The following RAD54B variants were observed in gnomAD, a reference collection of about 807,000 sequenced individuals.
RAD54B encodes the protein DNA repair and recombination protein RAD54B.
RAD54B carries 78 observed loss-of-function variants against 95.8 expected under a neutral mutation model. The ratio of observed to expected loss-of-function variants is 0.81; its 90% CI spans 0.68 to 0.98. The LOEUF is 0.98. Among genes scored for constraint, RAD54B ranks in the 50% least tolerant of loss-of-function variants. The pLI, the probability that RAD54B is intolerant of heterozygous loss-of-function variation, is 0.00. For missense variants in RAD54B, 957 were observed against 1,056.6 expected (o/e 0.91, Z 1.31); for synonymous variants, 328 against 354.9 (o/e 0.92, Z 0.85).
At chr8:94,421,078 T>A (rs1811797693) in intron 3 of RAD54B, among the ~76,000 whole-genome samples, 1 of 151,888 alleles carries the variant, frequency 6.6e-6, no homozygotes, top group African/African-American at 2.4e-5. Context: ...ACCCCCACAC[T>A]GCCTCTGCTT....
intron 3 of RAD54B, among the ~76,000 whole-genome samples, chr8:94,414,139 GA>G (rs919726034): frequency 3.3e-5 from 5 of 152,152 alleles, no homozygotes; most frequent in Admixed American, 2.6e-4. Flanking sequence ...CCCAGCCTAA[GA>G]ATTCTTATAG....
chr8:94,451,044 T>C (rs1329685553), intron 3 of RAD54B, among the ~76,000 whole-genome samples: 8 of 152,150 alleles, frequency 5.3e-5, no homozygotes, highest in African/African-American at 1.9e-4. Context: ...TAATCATATA[T>C]AGATTTTCGA....
intron 11 of RAD54B, among the ~76,000 whole-genome samples, chr8:94,385,953 G>A (rs10102496): frequency 0.39 from 58,692 of 152,064 alleles, 11,501 homozygotes; most frequent in Admixed American, 0.5. Context: ...TGTCATGAAG[G>A]GTCCTGCCTA....
chr8:94,383,738 TC>T (rs1347875859), intron 11 of RAD54B, among the ~76,000 whole-genome samples: 1 of 127,592 alleles, frequency 7.8e-6, no homozygotes, highest in Non-Finnish European at 1.7e-5. Context: ...AGATGGGGAT[TC>T]CCAAGGATAA....
chr8:94,410,384 T>C (rs1811500908), intron 4 of RAD54B, among the ~76,000 whole-genome samples: 1 of 152,220 alleles, frequency 6.6e-6, no homozygotes, highest in Non-Finnish European at 1.5e-5. Flanking sequence ...TACTTTGCTT[T>C]GTTCCCACTA....
At chr8:94,437,680 T>G (rs1007184021) in intron 3 of RAD54B, among the ~76,000 whole-genome samples, 1 of 152,226 alleles carries the variant, frequency 6.6e-6, no homozygotes, top group African/African-American at 2.4e-5. Flanking sequence ...TTATCATGTG[T>G]AAAAAATCAC....
At chr8:94,396,564 C>A (rs1811151564) in intron 8 of RAD54B, among the ~76,000 whole-genome samples, 1 of 152,038 alleles carries the variant, frequency 6.6e-6, no homozygotes, top group Admixed American at 6.6e-5. Flanking sequence ...TATAAGCCCA[C>A]TTCTAGGAAT....
chr8:94,389,883 G>A lies in RAD54B; in HGVS notation c.1809+1726C>T, dbSNP rs374506935. 7.2e-5 allele frequency among the ~76,000 whole-genome samples: 11 copies of A among 152,254 alleles called. No homozygotes were observed. The East Asian group carries it at 1.9e-3, about 27-fold the overall frequency. ...TGGCAACAATGGAGAAACACTCAGA[G>A]CCCCCTGCTGCTTTCTTCAAGAATG... On this transcript the variant is annotated intron_variant, in intron 10 of 14. Coordinates refer to ENST00000336148, the MANE Select transcript of RAD54B (RefSeq NM_012415.3).
chr8:94,463,893 C>CAA (rs553168595), intron 2 of RAD54B, among the ~76,000 whole-genome samples: 264 of 90,930 alleles, frequency 2.9e-3, no homozygotes, highest in African/African-American at 0.01. Flanking sequence ...GACCCTATCT[C>CAA]AAAAAAAAAA....
intron 3 of RAD54B, among the ~76,000 whole-genome samples, chr8:94,413,050 T>G (rs1247616492): frequency 6.6e-6 from 1 of 152,154 alleles, no homozygotes; most frequent in Admixed American, 6.5e-5. Context: ...AAAGCTTTGT[T>G]GAAAAAAAAT....
chr8:94,432,238 T>A, intron 3 of RAD54B: 1 of 1,550,392 alleles, frequency 6.4e-7, no homozygotes, highest in Admixed American at 2.0e-5. Context: ...TGCCTTCTTT[T>A]CAATCCATCC....
intron 11 of RAD54B, among the ~76,000 whole-genome samples, chr8:94,381,920 T>C (rs946023129): frequency 5.3e-5 from 8 of 152,056 alleles, no homozygotes; most frequent in Non-Finnish European, 1.0e-4. Flanking sequence ...GAGACCATCC[T>C]GGCTAACACG....
intron 11 of RAD54B, among the ~76,000 whole-genome samples, chr8:94,384,520 TTTCAGTTTTGTTTGCAAAACTGAA>T (rs11273608): frequency 0.86 from 130,973 of 151,950 alleles, 57,670 homozygotes; most frequent in Non-Finnish European, 0.96. Flanking sequence ...GTTTAATAGA[TTTCAGTTTTGTTTGCAAAACTGAA>T]ATAGTATTTC....
intron 3 of RAD54B, chr8:94,428,321 T>C: frequency 2.0e-6 from 2 of 983,160 alleles, no homozygotes; most frequent in Non-Finnish European, 2.4e-6. Context: ...AACAATTGTC[T>C]ATGATATGCA....
intron 3 of RAD54B, among the ~76,000 whole-genome samples, chr8:94,439,783 T>C (rs1319971254): frequency 6.6e-6 from 1 of 152,166 alleles, no homozygotes; most frequent in African/African-American, 2.4e-5. Flanking sequence ...AAAGGAAATG[T>C]ATGTTCAGGT....
Position 94,458,326 on chromosome 8 carries a change from G to A in RAD54B, c.246C>T (p.Cys82=). 2 of 1,610,154 alleles carry A rather than the reference G, an allele frequency of 1.2e-6. No individual in the cohort carries two copies. Among genetic ancestry groups the A allele is most frequent in the Non-Finnish European group, 1.7e-6 (2 of 1,178,494 alleles). Residue 82 remains cysteine, a synonymous_variant, in exon 3 of 15, where the codon TGC becomes TGT. Transcript: ENST00000336148. ...STREINNRDN[C]SGKYCFEAPT... ...GTGCTTCAAAACAATATTTTCCACTGCAATTATCTCTGTTATTGATTTCTC... is the reference window on the plus strand; with the variant it reads ...GTGCTTCAAAACAATATTTTCCACTACAATTATCTCTGTTATTGATTTCTC...
In RAD54B at chr8:94,462,932, T is replaced by C. The variant is rs527682100; in HGVS notation, c.135+4473A>G. Reference sequence around the variant, plus strand: ...GGCTCACACCTGTAATCCCAACATTTTGGGACACCAAGGCAGGCGGATAAC... The same window carrying C: ...GGCTCACACCTGTAATCCCAACATTCTGGGACACCAAGGCAGGCGGATAAC... On this transcript the variant is annotated intron_variant, in intron 2 of 14. Transcript: ENST00000336148. 2.7e-3 allele frequency among the ~76,000 whole-genome samples: 413 copies of C among 152,296 alleles called. 1 individual carries two copies. The highest frequency in any genetic ancestry group is 4.3e-3 in the Non-Finnish European group (290 of 68,032).
chr8:94,394,482 ATATGAAG>A (rs955948710), intron 8 of RAD54B, among the ~76,000 whole-genome samples: 10 of 152,272 alleles, frequency 6.6e-5, no homozygotes, highest in Admixed American at 2.0e-4. Flanking sequence ...GAGACAATGG[ATATGAAG>A]TACCCAGCAA....
chr8:94,422,752 TTATATATATA>T (rs369490267), intron 3 of RAD54B, among the ~76,000 whole-genome samples: 1 of 125,428 alleles, frequency 8.0e-6, no homozygotes. Flanking sequence ...CCACAAAAAA[TTATATATATA>T]TATATATATA....
Sources: gnomAD v4.1 joint callset for allele counts (sites outside exome capture counted in the v4.1 genomes callset) on GRCh38, gnomAD v4.1.1 for gene constraint, MANE v1.5 for transcripts, NCBI Gene and HGNC (gene_info 2026-07-23, HGNC 2026-07-21) for gene names.